CTNNA3: variants seen among roughly 807,000 people sequenced by gnomAD.
CTNNA3 encodes the protein catenin alpha 3.
A neutral mutation model predicts 95.7 loss-of-function variants in CTNNA3; 76 were observed. The observed-to-expected ratio is 0.79, with a 90% CI of 0.66 to 0.96. The LOEUF (loss-of-function observed/expected upper bound fraction) is 0.96, where lower values mean the gene tolerates loss of function less well. Among genes scored for constraint, CTNNA3 ranks in the 40% least tolerant of loss-of-function variants. CTNNA3 has a pLI of 0.00. For synonymous variants in CTNNA3, 431 were observed against 374.4 expected (o/e 1.15, Z -1.74); for missense variants, 1,191 against 1,089.8 (o/e 1.09, Z -1.31).
At chr10:66,980,487 C>T (rs552791379) in intron 7 of CTNNA3, among the ~76,000 whole-genome samples, 2 of 137,756 alleles carry the variant, frequency 1.5e-5, no homozygotes, top group East Asian at 3.9e-4. Context: ...GAACAGGAAC[C>T]AAAACTATTG....
At chr10:67,728,733 G>A (rs1472946524) in intron 1 of CTNNA3, among the ~76,000 whole-genome samples, 1 of 151,270 alleles carries the variant, frequency 6.6e-6, no homozygotes, top group Admixed American at 6.7e-5. Flanking sequence ...TATATTATCT[G>A]TAATTATTAA....
intron 13 of CTNNA3, among the ~76,000 whole-genome samples, chr10:66,135,934 C>T (rs1242640078): frequency 6.8e-6 from 1 of 147,460 alleles, no homozygotes; most frequent in African/African-American, 2.5e-5. Context: ...TGGAGTCTTG[C>T]TCTGTCGCGC....
At chr10:66,147,668 A>G (rs72795332) in intron 13 of CTNNA3, among the ~76,000 whole-genome samples, 21,988 of 143,974 alleles carry the variant, frequency 0.15, 2,076 homozygotes, top group Middle Eastern at 0.23. Context: ...GTAGAAAAAT[A>G]CCTTTCAATA....
chr10:67,457,386 C>A (rs1028091164), intron 5 of CTNNA3, among the ~76,000 whole-genome samples: 1 of 152,180 alleles, frequency 6.6e-6, no homozygotes, highest in Non-Finnish European at 1.5e-5. Context: ...AGGCCACACA[C>A]TAAATAGAGT....
intron 1 of CTNNA3, among the ~76,000 whole-genome samples, chr10:67,663,182 A>G (rs1354022964): frequency 6.6e-6 from 1 of 152,126 alleles, no homozygotes; most frequent in African/African-American, 2.4e-5. Flanking sequence ...CATCCTGTGC[A>G]TCTGATCAGT....
At chr10:66,049,497 T>C (rs986565461) in intron 15 of CTNNA3, among the ~76,000 whole-genome samples, 2 of 152,188 alleles carry the variant, frequency 1.3e-5, no homozygotes, top group South Asian at 2.1e-4. Context: ...CAAATGTTCA[T>C]TGCAGCACTA....
chr10:66,628,626 T>C (rs1004641670), intron 9 of CTNNA3, among the ~76,000 whole-genome samples: 15 of 152,140 alleles, frequency 9.9e-5, no homozygotes, highest in African/African-American at 3.4e-4. Flanking sequence ...TGGGCTTCTT[T>C]CTGAATTTAG....
intron 13 of CTNNA3, among the ~76,000 whole-genome samples, chr10:66,145,947 C>T (rs1034733671): frequency 9.9e-5 from 15 of 151,866 alleles, no homozygotes; most frequent in African/African-American, 2.9e-4. Flanking sequence ...TCTATCTCCC[C>T]GGTTCAAGCG....
chr10:66,661,487 C>A (rs535934633), intron 9 of CTNNA3, among the ~76,000 whole-genome samples: 1 of 152,198 alleles, frequency 6.6e-6, no homozygotes, highest in African/African-American at 2.4e-5. Context: ...ACACAGCCAA[C>A]CCATATCAAA....
At position 67,535,642 on chromosome 10, in the gene CTNNA3, T is replaced by C. The variant is rs370222499; in HGVS notation, c.459+3861A>G. Among the ~76,000 whole-genome samples, 10 of 152,190 alleles carry C rather than the reference T, an allele frequency of 6.6e-5. No homozygotes were observed. The East Asian group carries it at 7.7e-4, about 12-fold the overall frequency. On this transcript the variant is annotated intron_variant, in intron 4 of 17. Transcript: ENST00000433211. ...GGGATGTAATTGTCCATTTATATCA[T>C]GGAATGTTCACATCAGAGAGTTTGT...
intron 9 of CTNNA3, among the ~76,000 whole-genome samples, chr10:66,715,580 A>G (rs918373316): frequency 1.1e-4 from 16 of 152,202 alleles, no homozygotes; most frequent in Admixed American, 2.0e-4. Flanking sequence ...ATGACAAATG[A>G]AAAGTATTAT....
Position 66,415,913 on chromosome 10 carries a change from A to G in CTNNA3, c.1532-36561T>C, listed in dbSNP as rs1351433355. ...TGCTACATGAGATGCACGGATATCA[A>G]TGTAAGGACACAGGAATCATGAAAA... On this transcript the variant is annotated intron_variant, in intron 11 of 17. Coordinates refer to ENST00000433211, the MANE Select transcript of CTNNA3 (RefSeq NM_013266.4). Among the ~76,000 whole-genome samples, 7 of 152,312 alleles carry G rather than the reference A, an allele frequency of 4.6e-5. 1 individual carries two copies. The highest frequency in any genetic ancestry group is 1.5e-5 in the Non-Finnish European group (1 of 68,020).
At chr10:67,607,151 G>T in intron 2 of CTNNA3, 102 bp from the exon 3 acceptor site, 1 of 928,860 alleles carries the variant, frequency 1.1e-6, no homozygotes, top group Non-Finnish European at 1.6e-6. Flanking sequence ...GTTGACACTT[G>T]AGCAACTCAA....
intron 10 of CTNNA3, among the ~76,000 whole-genome samples, chr10:66,598,075 T>C (rs1357388666): frequency 6.6e-6 from 1 of 151,874 alleles, no homozygotes; most frequent in Non-Finnish European, 1.5e-5. Context: ...ACATTCAACA[T>C]GAAGAAGTGG....
chr10:66,774,569 C>CTGTT (rs35709939), intron 8 of CTNNA3, among the ~76,000 whole-genome samples: 3 of 151,748 alleles, frequency 2.0e-5, no homozygotes, highest in African/African-American at 7.3e-5. Flanking sequence ...CTGGAGATCT[C>CTGTT]TATTCCATTT....
intron 7 of CTNNA3, among the ~76,000 whole-genome samples, chr10:66,890,313 G>A (rs1243467252): frequency 6.6e-6 from 1 of 151,490 alleles, no homozygotes; most frequent in East Asian, 1.9e-4. Context: ...CCTAAGTAGA[G>A]AAGTATGCAA....
intron 11 of CTNNA3, among the ~76,000 whole-genome samples, chr10:66,502,443 C>A (rs10822839): frequency 0.34 from 50,976 of 151,924 alleles, 10,089 homozygotes; most frequent in Non-Finnish European, 0.43. Context: ...TAATAACATG[C>A]ACTTTTTTTC....
rs576638279 is a variant in CTNNA3 at position 66,010,319 on chromosome 10, T to G, written c.2160-21522A>C. Among the ~76,000 whole-genome samples, 11 of 152,286 alleles carry G rather than the reference T, an allele frequency of 7.2e-5. No homozygotes were observed. The South Asian group carries it at 2.3e-3, about 32-fold the overall frequency. ...CTGGATATTAGAGAAGGAAGTAGTA[T>G]GTAAGTTAAAGAATAACTAAAAAGT... On this transcript the variant is annotated intron_variant, in intron 15 of 17. Coordinates refer to ENST00000433211, the MANE Select transcript of CTNNA3 (RefSeq NM_013266.4).
intron 13 of CTNNA3, among the ~76,000 whole-genome samples, chr10:66,154,946 G>A (rs538940328): frequency 6.6e-6 from 1 of 151,222 alleles, no homozygotes; most frequent in South Asian, 2.1e-4. Context: ...TAAACAGCCA[G>A]ACAGTAAATA....
Sources: gnomAD v4.1 joint callset for allele counts (sites outside exome capture counted in the v4.1 genomes callset) on GRCh38, gnomAD v4.1.1 for gene constraint, MANE v1.5 for transcripts, NCBI Gene and HGNC (gene_info 2026-07-23, HGNC 2026-07-21) for gene names.